The following ASB18 variants were observed in gnomAD, a reference collection of about 807,000 sequenced individuals.
ASB18 encodes the protein ankyrin repeat and SOCS box containing 18.
ASB18 carries 33 observed loss-of-function variants against 33.4 expected under a neutral mutation model. The ratio of observed to expected loss-of-function variants is 0.99; its 90% confidence interval spans 0.75 to 1.32. The LOEUF is 1.32. Among genes scored for constraint, ASB18 ranks in the 40% most tolerant of loss-of-function variants. The pLI is 0.00. For synonymous variants in ASB18, 295 were observed against 307.6 expected (o/e 0.96, Z 0.43); for missense variants, 694 against 655.5 (o/e 1.06, Z -0.64).
rs116877029 is a variant in ASB18 at position 236,218,521 on chromosome 2, G to A, written c.597-3655C>T. On this transcript the variant is annotated intron_variant, in intron 3 of 5. Coordinates refer to ENST00000409749, the MANE Select transcript of ASB18 (RefSeq NM_212556.4). The stretch of plus-strand genomic sequence containing the variant: ...ATATGAAGAATACCAGAAATTGGCC[G>A]GATGTGGTGGTTCACGCCTGTAATT... Among the ~76,000 whole-genome samples, 426 of 152,248 alleles carry A rather than the reference G, an allele frequency of 2.8e-3. 22 individuals carry two copies. The East Asian group carries it at 0.076, about 27-fold the overall frequency.
rs145257531 is a variant in ASB18, at chr2:236,220,636, T to C, written c.597-5770A>G. On this transcript the variant is annotated intron_variant, in intron 3 of 5. Coordinates refer to ENST00000409749, the MANE Select transcript of ASB18 (RefSeq NM_212556.4). The surrounding 1 kb of genome is among the most constrained non-coding windows in gnomAD (Gnocchi z 5.1). The stretch of plus-strand genomic sequence containing the variant: ...TAGGTGGAATTTACAGTTGGGGAAA[T>C]TGAGGCTTAAAAGGCCAGTGACATG... Among the ~76,000 whole-genome samples, 3 of 152,042 alleles carry C rather than the reference T, an allele frequency of 2.0e-5. No homozygotes were observed. The East Asian group carries it at 5.8e-4, about 30-fold the overall frequency.
Position 236,232,561 on chromosome 2 carries a change from G to A in ASB18, c.596+5128C>T, listed in dbSNP as rs1271085734. On this transcript the variant is annotated intron_variant, in intron 3 of 5. Coordinates refer to ENST00000409749, the MANE Select transcript of ASB18 (RefSeq NM_212556.4). ...ATGAAACCAAAAGCAAGACTTATTG[G>A]GGGGAAAAGAAGACAAATTCTAGTA... Among the ~76,000 whole-genome samples the A allele has an allele frequency of 2.6e-5, 4 of 151,940 alleles. No individual in the cohort carries two copies. In the East Asian group the frequency reaches 7.7e-4, roughly 29 times the overall value.
At chr2:236,242,358 T>A (rs1009420151) in intron 1 of ASB18, among the ~76,000 whole-genome samples, 4 of 152,128 alleles carry the variant, frequency 2.6e-5, no homozygotes, top group African/African-American at 9.7e-5. Flanking sequence ...GCGAAGGCGG[T>A]GCCAGGTAGC....
chr2:236,244,711 C>T lies in ASB18; in HGVS notation c.206-3309G>A, dbSNP rs867586147. 6.6e-6 allele frequency among the ~76,000 whole-genome samples: 1 copy of T among 151,976 alleles called. No homozygotes were observed. The highest frequency in any genetic ancestry group is 2.4e-5 in the African/African-American group (1 of 41,360). On this transcript the variant is annotated intron_variant, in intron 1 of 5. Coordinates refer to ENST00000409749, the MANE Select transcript of ASB18 (RefSeq NM_212556.4). The surrounding 1 kb of genome is among the most constrained non-coding windows in gnomAD (Gnocchi z 6.1). Reference sequence around the variant, plus strand: ...AAGAGTAACCTGGCTTTTGGGTTGCCCCTTTCACCAAGATCTTCTATAACT... The same window carrying T: ...AAGAGTAACCTGGCTTTTGGGTTGCTCCTTTCACCAAGATCTTCTATAACT...
chr2:236,249,974 G>A lies in ASB18; in HGVS notation c.206-8572C>T, dbSNP rs1260242604. On this transcript the variant is annotated intron_variant, in intron 1 of 5. Coordinates refer to ENST00000409749, the MANE Select transcript of ASB18 (RefSeq NM_212556.4). The surrounding 1 kb of genome is among the most constrained non-coding windows in gnomAD (Gnocchi z 4.6). ...ACAAACATGAGTTCTTTATAATTGA[G>A]TCCTATAGTGGAGACACAAACATGA... 2 of 152,152 alleles carry A rather than the reference G, an allele frequency of 1.3e-5. No individual in the cohort carries two copies. The highest frequency in any genetic ancestry group is 2.9e-5 in the Non-Finnish European group (2 of 68,028). 9.4% of individuals were successfully genotyped at this position (152,152 alleles called of 1,614,324 possible).
rs1260844178 is a variant in ASB18 at position 236,221,457 on chromosome 2, T to C, written c.597-6591A>G. On this transcript the variant is annotated intron_variant, in intron 3 of 5. Coordinates refer to ENST00000409749, the MANE Select transcript of ASB18 (RefSeq NM_212556.4). The surrounding 1 kb of genome is among the most constrained non-coding windows in gnomAD (Gnocchi z 5.6). The stretch of plus-strand genomic sequence containing the variant: ...GACCCGGTGGGAGATAATTGAATCA[T>C]GGGGGTGGTTTCCTTCATACTGTTC... 6.6e-6 allele frequency among the ~76,000 whole-genome samples: 1 copy of C among 152,074 alleles called. No individual in the cohort carries two copies. The highest frequency in any genetic ancestry group is 1.5e-5 in the Non-Finnish European group (1 of 67,994).
In ASB18 at chr2:236,253,077, C is replaced by T. The variant is rs6726163; in HGVS notation, c.205+11064G>A. 0.029 allele frequency among the ~76,000 whole-genome samples: 4,419 copies of T among 152,294 alleles called. 212 individuals carry two copies. Among genetic ancestry groups the T allele is most frequent in the African/African-American group, 0.097 (4,040 of 41,540 alleles). On this transcript the variant is annotated intron_variant, in intron 1 of 5. Coordinates refer to ENST00000409749, the MANE Select transcript of ASB18 (RefSeq NM_212556.4). The surrounding 1 kb of genome is among the most constrained non-coding windows in gnomAD (Gnocchi z 5.4). ...AAGGATCCCCACCGTCCTCGCCAGC[C>T]TGGCTTTCTAGATGTTGATCCTAGG... is the stretch of plus-strand genomic sequence containing the variant.
chr2:236,224,541 TACAG>T (rs2060528124), intron 3 of ASB18, among the ~76,000 whole-genome samples: 1 of 150,092 alleles, frequency 6.7e-6, no homozygotes. Context: ...ACTTCCTGAT[TACAG>T]ACAGTTTTTG....
chr2:236,196,464 G>T lies in ASB18; in HGVS notation c.1102-79C>A. On this transcript the variant is annotated intron_variant, in intron 4 of 5. Coordinates refer to ENST00000409749, the MANE Select transcript of ASB18 (RefSeq NM_212556.4). The surrounding 1 kb of genome is among the most constrained non-coding windows in gnomAD (Gnocchi z 5.6). ...GTGGGGAAAGGGTGGGGGGTGTGGG[G>T]GGATGCTCTCCCTAGCTGTGTGACC... The T allele has an allele frequency of 1.3e-6, 1 of 757,426 alleles. No individual in the cohort carries two copies. The allele number at this position is 757,426 out of a possible 1,614,324, so 46.9% of individuals were successfully genotyped here.
rs72976618 is a variant in ASB18, at chr2:236,238,954, C to T, written c.329-998G>A. The stretch of plus-strand genomic sequence containing the variant: ...TTAATTACCTACCCGCATGTGGTGC[C>T]GAGTTCCAGCCGCCCTGAGTCCCCA... On this transcript the variant is annotated intron_variant, in intron 2 of 5. Coordinates refer to ENST00000409749, the MANE Select transcript of ASB18 (RefSeq NM_212556.4). The surrounding 1 kb of genome is among the most constrained non-coding windows in gnomAD (Gnocchi z 5.2). Among the ~76,000 whole-genome samples the T allele has an allele frequency of 0.091, 13,779 of 152,142 alleles. 702 individuals carry two copies. The highest frequency in any genetic ancestry group is 0.19 in the Middle Eastern group (57 of 294).
chr2:236,232,434 G>C (rs1408017152), intron 3 of ASB18, among the ~76,000 whole-genome samples: 1 of 151,772 alleles, frequency 6.6e-6, no homozygotes, highest in Non-Finnish European at 1.5e-5. Context: ...TCCACCTTAA[G>C]AAACTAGAAA....
intron 1 of ASB18, among the ~76,000 whole-genome samples, chr2:236,258,561 A>G (rs986567835): frequency 6.6e-6 from 1 of 152,192 alleles, no homozygotes; most frequent in Non-Finnish European, 1.5e-5. Context: ...TTTAATTTAG[A>G]GTCAGCCGTT....
chr2:236,232,603 T>C (rs567531411), intron 3 of ASB18, among the ~76,000 whole-genome samples: 1 of 151,722 alleles, frequency 6.6e-6, no homozygotes, highest in African/African-American at 2.4e-5. Context: ...ATGAGAGAGG[T>C]GATATCACTA....
intron 4 of ASB18, among the ~76,000 whole-genome samples, chr2:236,197,074 C>A (rs7591580): frequency 0.45 from 67,127 of 150,596 alleles, 18,159 homozygotes; most frequent in African/African-American, 0.79. Flanking sequence ...GTATCCCCGC[C>A]CCCCCCATCA....
chr2:236,210,889 CT>C lies in ASB18; in HGVS notation c.1101+3472del, dbSNP rs1469036853. 5.3e-5 allele frequency among the ~76,000 whole-genome samples: 8 copies of C among 152,320 alleles called. No individual in the cohort carries two copies. The East Asian group carries it at 7.7e-4, about 15-fold the overall frequency. On this transcript the variant is annotated intron_variant, in intron 4 of 5. Transcript: ENST00000409749. Reference sequence around the variant, plus strand: ...TGTCCCATCTTGGAGCGGGGCTGGACTTACATCTTCCCACACGCTTTGATGC... The same window carrying C: ...TGTCCCATCTTGGAGCGGGGCTGGACTACATCTTCCCACACGCTTTGATGC...
At chr2:236,227,519 A>G (rs960043234) in intron 3 of ASB18, among the ~76,000 whole-genome samples, 2 of 152,212 alleles carry the variant, frequency 1.3e-5, no homozygotes, top group Admixed American at 1.3e-4. Context: ...ACAAGTGAGA[A>G]CACAGAGACA....
chr2:236,201,300 T>G (rs1365099613), intron 4 of ASB18, among the ~76,000 whole-genome samples: 1 of 152,110 alleles, frequency 6.6e-6, no homozygotes, highest in Non-Finnish European at 1.5e-5. Flanking sequence ...TACAGGTGCA[T>G]GCCACTATGC....
Position 236,259,369 on chromosome 2 carries a change from C to T in ASB18, c.205+4772G>A, listed in dbSNP as rs534888596. The T allele has an allele frequency of 1.6e-4, 60 of 381,814 alleles. No homozygotes were observed. The highest frequency in any genetic ancestry group is 1.1e-3 in the South Asian group (55 of 51,624). 23.7% of individuals were successfully genotyped at this position (381,814 alleles called of 1,614,324 possible). A position where few individuals can be genotyped will look rare whatever the true frequency, so the allele number is the denominator to read the frequency against. On this transcript the variant is annotated intron_variant, in intron 1 of 5. Coordinates refer to ENST00000409749, the MANE Select transcript of ASB18 (RefSeq NM_212556.4). The surrounding 1 kb of genome is among the most constrained non-coding windows in gnomAD (Gnocchi z 4.4). ...CCCTGTGCTAGGCTCTGGATATAAT[C>T]GAGTGTTAGGCGAGGTTCTGGCCCT... is the stretch of plus-strand genomic sequence containing the variant.
At chr2:236,224,083 A>T (rs1277237253) in intron 3 of ASB18, among the ~76,000 whole-genome samples, 1 of 151,944 alleles carries the variant, frequency 6.6e-6, no homozygotes, top group East Asian at 1.9e-4. Flanking sequence ...TTAACTTTGT[A>T]AGAAACTGCC....
Sources: gnomAD v4.1 joint callset for allele counts (sites outside exome capture counted in the v4.1 genomes callset) on GRCh38, gnomAD v4.1.1 for gene constraint, Gnocchi (gnomAD v3.1) non-coding constraint, MANE v1.5 for transcripts, NCBI Gene and HGNC (gene_info 2026-07-23, HGNC 2026-07-21) for gene names.